The following TTPA variants were observed in gnomAD, a reference collection of about 807,000 sequenced individuals.
TTPA encodes the protein alpha tocopherol transfer protein.
In TTPA, 23 loss-of-function variants were observed where a neutral mutation model predicts 25.9. The observed-to-expected ratio is 0.89, with a 90% CI of 0.64 to 1.26. TTPA has a LOEUF of 1.26. TTPA is among the 50% of genes most tolerant of loss of function. TTPA has a pLI of 0.00. For synonymous variants in TTPA, 148 were observed against 137.3 expected, an observed-to-expected ratio of 1.08 and a Z score of -0.54; for missense variants, 337 against 353.1, an observed-to-expected ratio of 0.95 and a Z score of 0.37.
rs1355534382 is a variant in TTPA, at chr8:63,059,794, A to AT, written c.*1457dup. 2 of 151,908 alleles carry AT rather than the reference A, an allele frequency of 1.3e-5. No homozygotes were observed. Among genetic ancestry groups the AT allele is most frequent in the East Asian group, 3.8e-4 (2 of 5,200 alleles). The allele number at this position is 151,908 out of a possible 1,614,324, so 9.4% of individuals were successfully genotyped here. On this transcript the variant is annotated 3_prime_UTR_variant, in exon 5 of 5. Coordinates refer to ENST00000260116, the MANE Select transcript of TTPA (RefSeq NM_000370.3). Reference sequence around the variant, plus strand: ...TATTTATTTATTTATTTTTATTTTTATTTTTTAATTTTTTTTGAGAACACA... The same window carrying AT: ...TATTTATTTATTTATTTTTATTTTTATTTTTTTAATTTTTTTTGAGAACACA...
At chr8:63,066,997 C>G (rs1437004259) in intron 2 of TTPA, among the ~76,000 whole-genome samples, 1 of 151,808 alleles carries the variant, frequency 6.6e-6, no homozygotes, top group African/African-American at 2.4e-5. Context: ...AGGGGGAACA[C>G]TGAAGCCCAG....
At chr8:63,072,757 T>A (rs1332973041) in intron 2 of TTPA, among the ~76,000 whole-genome samples, 178 bp downstream of exon 2, 1 of 152,242 alleles carries the variant, frequency 6.6e-6, no homozygotes. Flanking sequence ...AGACCTAAAT[T>A]AAATCTAAGT....
intron 2 of TTPA, among the ~76,000 whole-genome samples, chr8:63,069,156 AAAAAC>A (rs879621073): frequency 1.5e-4 from 23 of 152,230 alleles, no homozygotes; most frequent in African/African-American, 4.8e-4. Context: ...TCTGTCTCAA[AAAAAC>A]AAAACAAAAC....
chr8:63,059,243 G>A (rs1000854271), downstream of TTPA, among the ~76,000 whole-genome samples: 4 of 150,552 alleles, frequency 2.7e-5, no homozygotes, highest in Admixed American at 6.6e-5. Flanking sequence ...CGTTTTAGCC[G>A]GGATGGTCTC....
intron 1 of TTPA, among the ~76,000 whole-genome samples, chr8:63,082,997 G>A (rs1015570951): frequency 6.6e-6 from 1 of 152,212 alleles, no homozygotes; most frequent in Non-Finnish European, 1.5e-5. Context: ...ACAGGTGCTG[G>A]AGAAGATGTG....
chr8:63,068,933 T>C (rs563011011), intron 2 of TTPA, among the ~76,000 whole-genome samples: 1 of 152,238 alleles, frequency 6.6e-6, no homozygotes, highest in Non-Finnish European at 1.5e-5. Context: ...GGTGGACAGA[T>C]CACTTGAGGC....
intron 2 of TTPA, among the ~76,000 whole-genome samples, chr8:63,067,231 G>A (rs536028253): frequency 3.1e-4 from 47 of 152,204 alleles, no homozygotes; most frequent in African/African-American, 1.1e-3. Flanking sequence ...GGAAAAGACA[G>A]AGCCAATCGA....
intron 1 of TTPA, among the ~76,000 whole-genome samples, chr8:63,082,491 T>G (rs1805679472): frequency 6.6e-6 from 1 of 152,118 alleles, no homozygotes; most frequent in African/African-American, 2.4e-5. Flanking sequence ...AAAAATTAAT[T>G]CAAGATGGAT....
At position 63,072,996 on chromosome 8, in the gene TTPA, G is replaced by T; in HGVS notation, c.297C>A (p.Gly99=). 6.2e-7 allele frequency: 1 copy of T among 1,614,026 alleles called. No individual in the cohort carries two copies. Among genetic ancestry groups the T allele is most frequent in the Non-Finnish European group, 8.5e-7 (1 of 1,179,974 alleles). The change falls in exon 2 of 5, where the codon GGC becomes GGA. Residue 99 remains glycine (G), a synonymous_variant. Transcript: ENST00000260116. ...PRSIIGLLKA[G]YHGVLRSRDP... The stretch of plus-strand genomic sequence containing the variant: ...CCCTGGATCTCAGGACTCCATGGTA[G>T]CCAGCCTTTAGGAGGCCAATAATAC...
At chr8:63,062,178 TAA>T (rs879321606) in intron 4 of TTPA, among the ~76,000 whole-genome samples, 4 of 136,028 alleles carry the variant, frequency 2.9e-5, no homozygotes, top group African/African-American at 8.1e-5. Context: ...AGGCCCTGTC[TAA>T]AAAAAAAAAA....
Position 63,061,434 on chromosome 8 carries a change from G to A in TTPA, c.664-9C>T. On this transcript the variant is annotated splice_polypyrimidine_tract_variant and intron_variant, in intron 4 of 4. Transcript: ENST00000260116. ...TTCCCATGCATGTGAATCTGAAATA[G>A]CCAAAACACTTTAGAAGGAAACCGC... is the stretch of plus-strand genomic sequence containing the variant. 1.2e-6 allele frequency: 2 copies of A among 1,613,668 alleles called. No homozygotes were observed. The highest frequency in any genetic ancestry group is 1.7e-6 in the Non-Finnish European group (2 of 1,179,836).
intron 3 of TTPA, among the ~76,000 whole-genome samples, chr8:63,065,572 T>C (rs1283620729): frequency 6.6e-6 from 1 of 152,166 alleles, no homozygotes; most frequent in Non-Finnish European, 1.5e-5. Context: ...TATGTGACAT[T>C]TTATTGTTCC....
At chr8:63,069,070 G>C (rs1002210486) in intron 2 of TTPA, among the ~76,000 whole-genome samples, 1 of 152,070 alleles carries the variant, frequency 6.6e-6, no homozygotes, top group African/African-American at 2.4e-5. Context: ...CAGGAGAATC[G>C]CTTGAACTCG....
At chr8:63,063,826 C>T (rs1563678670) in intron 4 of TTPA, among the ~76,000 whole-genome samples, 1 of 152,058 alleles carries the variant, frequency 6.6e-6, no homozygotes, top group Non-Finnish European at 1.5e-5. Flanking sequence ...TAATGGTGAA[C>T]ACTTCCTGGT....
In TTPA at chr8:63,073,042, C is replaced by A. The variant is rs767409948; in HGVS notation, c.251G>T (p.Ser84Ile). Reference protein sequence around the residue: ...YKWRAECPEISADLHPRSIIG... With the variant: ...YKWRAECPEIIADLHPRSIIG... ...AATACTTCTAGGGTGTAGATCTGCA[C>A]TTATTTCTGGACATTCTGCTCTCCA... Residue 84 changes from serine (S) to isoleucine (I), a missense_variant, in exon 2 of 5, where the codon AGT (serine) becomes ATT (isoleucine). By Grantham distance (142) the Ser-to-Ile change is moderately radical. Coordinates refer to ENST00000260116, the MANE Select transcript of TTPA (RefSeq NM_000370.3). 1 of 1,534,296 alleles carries A rather than the reference C, an allele frequency of 6.5e-7. No individual in the cohort carries two copies. Among genetic ancestry groups the A allele is most frequent in the Non-Finnish European group, 8.8e-7 (1 of 1,138,526 alleles).
intron 3 of TTPA, among the ~76,000 whole-genome samples, chr8:63,064,530 T>C (rs1367923205): frequency 6.6e-6 from 1 of 152,188 alleles, no homozygotes. Flanking sequence ...TTTCTCCTTA[T>C]AGATTTGGCA....
At chr8:63,075,648 G>A (rs945815441) in intron 1 of TTPA, among the ~76,000 whole-genome samples, 4 of 145,556 alleles carry the variant, frequency 2.7e-5, no homozygotes, top group Non-Finnish European at 5.9e-5. Context: ...GCAGTGAGCC[G>A]AGATTGCGCC....
rs551906469 is a variant in TTPA, at chr8:63,061,000, G to A, written c.*252C>T. 5 of 401,472 alleles carry A rather than the reference G, an allele frequency of 1.2e-5. No homozygotes were observed. In the East Asian group the frequency reaches 2.0e-4, roughly 16 times the overall value. The allele number at this position is 401,472 out of a possible 1,614,324, so 24.9% of individuals were successfully genotyped here. A position where few individuals can be genotyped will look rare whatever the true frequency, so the allele number is the denominator to read the frequency against. ...GCAATAACTTTCATGTTCTCTTCAAGTACAAAATCGCCGATTTTTATGCTC... is the reference window on the plus strand; with the variant it reads ...GCAATAACTTTCATGTTCTCTTCAAATACAAAATCGCCGATTTTTATGCTC... On this transcript the variant is annotated 3_prime_UTR_variant, in exon 5 of 5. Transcript: ENST00000260116.
At chr8:63,062,821 A>G (rs1805328955) in intron 4 of TTPA, among the ~76,000 whole-genome samples, 1 of 152,204 alleles carries the variant, frequency 6.6e-6, no homozygotes, top group Non-Finnish European at 1.5e-5. Flanking sequence ...AGAAATAGTT[A>G]TTTTTAGATC....
Sources: gnomAD v4.1 joint callset for allele counts (sites outside exome capture counted in the v4.1 genomes callset) on GRCh38, gnomAD v4.1.1 for gene constraint, MANE v1.5 for transcripts, NCBI Gene and HGNC (gene_info 2026-07-23, HGNC 2026-07-21) for gene names.